RASA3: variants seen among roughly 807,000 people sequenced by gnomAD.
RASA3 encodes the protein RAS p21 protein activator 3, also known as ras GTPase-activating protein 3.
RASA3 carries 73 observed loss-of-function variants against 110.0 expected under a neutral mutation model. That is an observed-to-expected ratio of 0.66 (90% CI 0.55 to 0.81). The LOEUF is 0.81. Ranked by LOEUF, RASA3 falls within the 30% of genes least tolerant of loss-of-function variation. The pLI is 0.00. For missense variants in RASA3, 976 were observed against 1,113.2 expected, an observed-to-expected ratio of 0.88 and a Z score of 1.75; for synonymous variants, 500 against 451.4, an observed-to-expected ratio of 1.11 and a Z score of -1.37.
At chr13:114,035,345 CACTCCTGCGAACTCACAG>C (rs1252392055) in intron 4 of RASA3, among the ~76,000 whole-genome samples, 1 of 152,234 alleles carries the variant, frequency 6.6e-6, no homozygotes, top group Non-Finnish European at 1.5e-5. Flanking sequence ...CCTGGCGCTG[CACTCCTGCGAACTCACAG>C]ACGCAGCAAA....
intron 1 of RASA3, among the ~76,000 whole-genome samples, chr13:114,080,295 G>A (rs955750104): frequency 1.3e-5 from 2 of 152,206 alleles, no homozygotes; most frequent in African/African-American, 4.8e-5. Context: ...GCTGCTGGGA[G>A]CCCCTGGCAC....
chr13:114,061,859 G>C (rs1346729920), intron 2 of RASA3, among the ~76,000 whole-genome samples: 1 of 152,144 alleles, frequency 6.6e-6, no homozygotes, highest in Non-Finnish European at 1.5e-5. Flanking sequence ...CGTCACCTGT[G>C]CTTGCGGTGG....
At chr13:114,022,870 G>A (rs2053954675) in intron 8 of RASA3, among the ~76,000 whole-genome samples, 1 of 152,192 alleles carries the variant, frequency 6.6e-6, no homozygotes, top group Non-Finnish European at 1.5e-5. Flanking sequence ...AAAGGGGCTG[G>A]TGTGAGTCCC....
At position 114,056,010 on chromosome 13, in the gene RASA3, G is replaced by A. The variant is rs1177542441; in HGVS notation, c.174-3855C>T. ...TCCATTGGCACAAACTCCAGCAGCC[G>A]GCTTGTCAGGAAGCTGCAGCAGCTT... On this transcript the variant is annotated intron_variant, in intron 2 of 23. Coordinates refer to ENST00000334062, the MANE Select transcript of RASA3 (RefSeq NM_007368.4). This position sits in a 1 kb window ranked among gnomAD's most constrained non-coding sequence, Gnocchi z 5.7. 1.3e-5 allele frequency among the ~76,000 whole-genome samples: 2 copies of A among 152,208 alleles called. No homozygotes were observed. Among genetic ancestry groups the A allele is most frequent in the Admixed American group, 6.5e-5 (1 of 15,284 alleles).
intron 2 of RASA3, among the ~76,000 whole-genome samples, chr13:114,063,670 G>A (rs1245770150): frequency 6.6e-6 from 1 of 152,212 alleles, no homozygotes; most frequent in African/African-American, 2.4e-5. Context: ...TGTGGTGGGA[G>A]CAGCAGGGGT....
rs941060783 is a variant in RASA3, at chr13:114,096,157, G to A, written c.56-22320C>T. 5.3e-5 allele frequency among the ~76,000 whole-genome samples: 8 copies of A among 151,286 alleles called. No individual in the cohort carries two copies. The East Asian group carries it at 7.8e-4, about 15-fold the overall frequency. On this transcript the variant is annotated intron_variant, in intron 1 of 23. Transcript: ENST00000334062. The surrounding 1 kb of genome is among the most constrained non-coding windows in gnomAD (Gnocchi z 5.1). ...GTGGCCTGGGTGGCATCGGTGTGCC[G>A]GAAAAGGGGTGCTCTCCAGGTGGCC...
chr13:113,981,876 G>A lies in RASA3; in HGVS notation c.2246-18C>T, dbSNP rs2052944339. ...ACAGGCCTCTGTGGAGGGCGGAGGGGTCAGCGCAGGGCAGGAGCCCAGGCC... is the reference window on the plus strand; with the variant it reads ...ACAGGCCTCTGTGGAGGGCGGAGGGATCAGCGCAGGGCAGGAGCCCAGGCC... On this transcript the variant is annotated intron_variant, in intron 22 of 23. Transcript: ENST00000334062. 3 of 1,610,182 alleles carry A rather than the reference G, an allele frequency of 1.9e-6. No individual in the cohort carries two copies. The highest frequency in any genetic ancestry group is 2.5e-6 in the Non-Finnish European group (3 of 1,178,216).
rs138838533 is a variant in RASA3 at position 114,034,277 on chromosome 13, C to T, written c.373-4390G>A. On this transcript the variant is annotated intron_variant, in intron 4 of 23. Coordinates refer to ENST00000334062, the MANE Select transcript of RASA3 (RefSeq NM_007368.4). ...TTCATCCCCGTTCTCAAATGCCGGG[C>T]GCAAACTCTCTCAGGACAGAAGCGT... Among the ~76,000 whole-genome samples, 89 of 152,378 alleles carry T rather than the reference C, an allele frequency of 5.8e-4. 1 individual carries two copies. The East Asian group carries it at 0.015, about 26-fold the overall frequency.
In RASA3 at chr13:114,096,595, T is replaced by A. The variant is rs2079947739; in HGVS notation, c.56-22758A>T. Among the ~76,000 whole-genome samples the A allele has an allele frequency of 6.6e-6, 1 of 152,158 alleles. No homozygotes were observed. The highest frequency in any genetic ancestry group is 2.4e-5 in the African/African-American group (1 of 41,438). On this transcript the variant is annotated intron_variant, in intron 1 of 23. Coordinates refer to ENST00000334062, the MANE Select transcript of RASA3 (RefSeq NM_007368.4). The surrounding 1 kb of genome is among the most constrained non-coding windows in gnomAD (Gnocchi z 5.1). ...GCCTGGAATAACCCGATTGCTCCTA[T>A]GGGAACAACTGCTCCTTTCCAGCCA...
At chr13:114,087,746 T>A (rs1362045555) in intron 1 of RASA3, among the ~76,000 whole-genome samples, 1 of 152,184 alleles carries the variant, frequency 6.6e-6, no homozygotes, top group East Asian at 1.9e-4. Context: ...ACAGATAACT[T>A]CAGACAACTT....
Position 114,000,942 on chromosome 13 carries a change from G to A in RASA3, c.1743-10C>T, listed in dbSNP as rs766889502. ...CCTCTTGATCATGAACCTGTGTGAA[G>A]AGCACACAGGGCCGGGGTCCGGGCC... On this transcript the variant is annotated splice_polypyrimidine_tract_variant and intron_variant, in intron 18 of 23. Transcript: ENST00000334062. The A allele has an allele frequency of 3.2e-6, 5 of 1,585,646 alleles. No individual in the cohort carries two copies. Among genetic ancestry groups the A allele is most frequent in the East Asian group, 2.2e-5 (1 of 44,754 alleles).
intron 1 of RASA3, among the ~76,000 whole-genome samples, chr13:114,090,616 G>A (rs1045721207): frequency 6.6e-6 from 1 of 152,156 alleles, no homozygotes; most frequent in African/African-American, 2.4e-5. Flanking sequence ...TGCCCACACT[G>A]GAGCATGGGC....
In RASA3 at chr13:114,112,898, GGGGGCTGGGAA is replaced by G. The variant is rs1487108409; in HGVS notation, c.55+19526_55+19536del. Among the ~76,000 whole-genome samples, 2 of 152,188 alleles carry G rather than the reference GGGGGCTGGGAA, an allele frequency of 1.3e-5. No homozygotes were observed. Among genetic ancestry groups the G allele is most frequent in the Non-Finnish European group, 2.9e-5 (2 of 68,024 alleles). Reference sequence around the variant, plus strand: ...TCAGAGAGTGAATGAGAGGCCAGCAGGGGGCTGGGAAGGTGCTTAGCTCAGGGAGGGCTGGA... The same window carrying G: ...TCAGAGAGTGAATGAGAGGCCAGCAGGGTGCTTAGCTCAGGGAGGGCTGGA... On this transcript the variant is annotated intron_variant, in intron 1 of 23. Coordinates refer to ENST00000334062, the MANE Select transcript of RASA3 (RefSeq NM_007368.4). The surrounding 1 kb of genome is among the most constrained non-coding windows in gnomAD (Gnocchi z 4.8).
intron 2 of RASA3, among the ~76,000 whole-genome samples, chr13:114,061,434 G>T (rs964605519): frequency 6.6e-6 from 1 of 152,014 alleles, no homozygotes; most frequent in Non-Finnish European, 1.5e-5. Context: ...CCTTTGGGAG[G>T]CCAAGGTGGG....
intron 4 of RASA3, among the ~76,000 whole-genome samples, chr13:114,030,882 T>C (rs1294611459): frequency 6.6e-6 from 1 of 152,104 alleles, no homozygotes; most frequent in Non-Finnish European, 1.5e-5. Context: ...TCTACCTGTG[T>C]GCGTGCAACT....
intron 7 of RASA3, among the ~76,000 whole-genome samples, chr13:114,024,693 T>TGAGG (rs1477719752): frequency 1.3e-5 from 2 of 152,168 alleles, no homozygotes; most frequent in African/African-American, 4.8e-5. Flanking sequence ...TGCCACCCCG[T>TGAGG]GAGGGAGGGA....
At chr13:114,094,283 A>G (rs2079919166) in intron 1 of RASA3, among the ~76,000 whole-genome samples, 2 of 152,240 alleles carry the variant, frequency 1.3e-5, no homozygotes, top group African/African-American at 4.8e-5. Flanking sequence ...ACTCCTAGGT[A>G]TATACTTAAA....
intron 1 of RASA3, among the ~76,000 whole-genome samples, chr13:114,093,076 T>C (rs2079905808): frequency 6.6e-6 from 1 of 152,260 alleles, no homozygotes; most frequent in Non-Finnish European, 1.5e-5. Flanking sequence ...TGATATTGCC[T>C]ATCTCCTAAC....
intron 3 of RASA3, among the ~76,000 whole-genome samples, chr13:114,041,814 G>A (rs1566517147): frequency 6.6e-6 from 1 of 152,244 alleles, no homozygotes; most frequent in Admixed American, 6.5e-5. Flanking sequence ...TGCCTCTAAA[G>A]TGTAATGAAT....
Sources: allele counts gnomAD v4.1 joint callset (sites outside exome capture counted in the v4.1 genomes callset), GRCh38; gene constraint gnomAD v4.1.1; non-coding constraint Gnocchi (gnomAD v3.1); transcripts MANE v1.5; gene names NCBI Gene and HGNC (gene_info 2026-07-23, HGNC 2026-07-21).